Variants in LRPPRC observed in about 807,000 individuals in gnomAD.
LRPPRC encodes the protein leucine rich pentatricopeptide repeat containing, also known as leucine-rich PPR motif-containing protein, mitochondrial.
LRPPRC carries 120 observed loss-of-function variants against 180.3 expected under a neutral mutation model. The observed-to-expected ratio is 0.67, with a 90% confidence interval of 0.57 to 0.77. The LOEUF (loss-of-function observed/expected upper bound fraction) is 0.77, where lower values mean the gene tolerates loss of function less well. LRPPRC is among the 30% of genes least tolerant of loss of function. The pLI, the probability that LRPPRC is intolerant of heterozygous loss-of-function variation, is 0.00. For synonymous variants in LRPPRC, 723 were observed against 600.0 expected, an observed-to-expected ratio of 1.21 and a Z score of -3.00; for missense variants, 2,012 against 1,657.2, an observed-to-expected ratio of 1.21 and a Z score of -3.72.
intron 27 of LRPPRC, among the ~76,000 whole-genome samples, chr2:43,920,722 T>G (rs1053015204): frequency 6.6e-6 from 1 of 152,082 alleles, no homozygotes. Context: ...GAATCTTTAT[T>G]CTGCAGTGGA....
chr2:43,962,538 G>A (rs1285063807), intron 12 of LRPPRC, among the ~76,000 whole-genome samples: 4 of 152,142 alleles, frequency 2.6e-5, no homozygotes, highest in African/African-American at 9.7e-5. Context: ...AGCACTTTTT[G>A]TTTTGTTTTT....
At chr2:43,982,069 G>A (rs1674333346) in intron 2 of LRPPRC, among the ~76,000 whole-genome samples, 169 bp downstream of exon 2, 1 of 151,982 alleles carries the variant, frequency 6.6e-6, no homozygotes, top group South Asian at 2.1e-4. Flanking sequence ...CACCATGCCT[G>A]GCTAATTTTT....
At chr2:43,984,736 CAAG>C (rs1008636058) in intron 1 of LRPPRC, among the ~76,000 whole-genome samples, 8 of 152,222 alleles carry the variant, frequency 5.3e-5, no homozygotes, top group East Asian at 1.9e-4. Context: ...TGGGGCCCCA[CAAG>C]AAGATCACAC....
chr2:43,959,920 T>C (rs1007910832), intron 13 of LRPPRC, among the ~76,000 whole-genome samples: 3 of 152,120 alleles, frequency 2.0e-5, no homozygotes, highest in East Asian at 1.9e-4. Context: ...AAGTGCAGTA[T>C]GGTGAAAAGA....
At chr2:43,927,899 G>A (rs1671947637) in intron 25 of LRPPRC, among the ~76,000 whole-genome samples, 1 of 152,184 alleles carries the variant, frequency 6.6e-6, no homozygotes, top group Non-Finnish European at 1.5e-5. Context: ...GTAATGTCAA[G>A]ATTTCTGGCT....
rs202017188 is a variant in LRPPRC, at chr2:43,887,830, T to A, written c.*770A>T. On this transcript the variant is annotated 3_prime_UTR_variant, in exon 38 of 38. Transcript: ENST00000260665. ...TAGATGAAATCACATCTTTTCAGGA[T>A]ATGAGTATAAAGTAACAAGCCTAGG... 5 of 152,320 alleles carry A rather than the reference T, an allele frequency of 3.3e-5. No individual in the cohort carries two copies. The East Asian group carries it at 9.6e-4, about 29-fold the overall frequency. The allele number at this position is 152,320 out of a possible 1,614,324, so 9.4% of individuals were successfully genotyped here.
chr2:43,976,284 C>T, intron 5 of LRPPRC, 55 bp from the exon 6 acceptor site: 1 of 948,772 alleles, frequency 1.1e-6, no homozygotes. Flanking sequence ...ACACTCTTTA[C>T]AACATGTACA....
rs181712777 is a variant in LRPPRC at position 43,979,080 on chromosome 2, G to A, written c.469+746C>T. ...ATACTTTAAGATTTTTTTAAATCAGGAATGAACATTAAATTGTATTAAACC... is the reference window on the plus strand; with the variant it reads ...ATACTTTAAGATTTTTTTAAATCAGAAATGAACATTAAATTGTATTAAACC... On this transcript the variant is annotated intron_variant, in intron 3 of 37. Coordinates refer to ENST00000260665, the MANE Select transcript of LRPPRC (RefSeq NM_133259.4). Among the ~76,000 whole-genome samples the A allele has an allele frequency of 1.6e-3, 249 of 152,036 alleles. 2 individuals are homozygous for A. Among genetic ancestry groups the A allele is most frequent in the Non-Finnish European group, 2.5e-3 (170 of 67,930 alleles).
At chr2:43,981,811 C>T (rs1033293569) in intron 2 of LRPPRC, among the ~76,000 whole-genome samples, 1 of 152,024 alleles carries the variant, frequency 6.6e-6, no homozygotes, top group Non-Finnish European at 1.5e-5. Context: ...AATGAGCTTA[C>T]CCTCAAGTAT....
rs530710078 is a variant in LRPPRC, at chr2:43,929,189, T to A, written c.2737-3228A>T. ...AGTACATAACAAGCAATTCATCCTT[T>A]TCTTGAAATGTCACAACTTTACTTC... On this transcript the variant is annotated intron_variant, in intron 25 of 37. Transcript: ENST00000260665. Among the ~76,000 whole-genome samples, 77 of 152,314 alleles carry A rather than the reference T, an allele frequency of 5.1e-4. 1 individual carries two copies. The highest frequency in any genetic ancestry group is 1.0e-3 in the Non-Finnish European group (68 of 68,024).
chr2:43,963,766 C>G (rs908687555), intron 11 of LRPPRC, 60 bp from the exon 12 acceptor site: 2 of 918,056 alleles, frequency 2.2e-6, no homozygotes, highest in Non-Finnish European at 3.6e-6. Context: ...AAGAAAAGAT[C>G]GGTAAGTTCA....
chr2:43,909,183 T>G (rs1671167390), intron 30 of LRPPRC, among the ~76,000 whole-genome samples: 1 of 152,220 alleles, frequency 6.6e-6, no homozygotes, highest in African/African-American at 2.4e-5. Flanking sequence ...GCATTATTTT[T>G]AAAAGTACTC....
At chr2:43,901,578 A>C in intron 31 of LRPPRC, 54 bp from the exon 32 acceptor site, 5 of 1,161,344 alleles carry the variant, frequency 4.3e-6, no homozygotes, top group Non-Finnish European at 6.5e-6. Context: ...GCTGACTTTA[A>C]TGCATTTTGA....
At position 43,975,159 on chromosome 2, in the gene LRPPRC, C is replaced by T; in HGVS notation, c.796G>A (p.Gly266Ser). Reference protein sequence around the residue: ...TVMRDAGIEPGPDTYLALLNA... With the variant: ...TVMRDAGIEPSPDTYLALLNA... The stretch of plus-strand genomic sequence containing the variant: ...AATAATGCGAGGTATGTGTCTGGAC[C>T]AGGCTCAATTCCGGCATCTCTCATC... Residue 266 changes from glycine (G) to serine (S), a missense_variant, in exon 7 of 38, where the codon GGT becomes AGT. By Grantham distance (56) the Gly-to-Ser change is moderately conservative. Transcript: ENST00000260665. 1.2e-6 allele frequency: 2 copies of T among 1,613,420 alleles called. No individual in the cohort carries two copies. The highest frequency in any genetic ancestry group is 1.7e-6 in the Non-Finnish European group (2 of 1,179,630).
intron 18 of LRPPRC, 28 bp downstream of exon 18, chr2:43,948,094 A>G (rs373279210): frequency 5.5e-5 from 77 of 1,394,460 alleles, no homozygotes; most frequent in Non-Finnish European, 7.6e-5. Context: ...TAAGCATTTT[A>G]TCCAGTTGAT....
In LRPPRC at chr2:43,923,924, T is replaced by C. The variant is rs576481791; in HGVS notation, c.2896+1143A>G. 3.5e-3 allele frequency among the ~76,000 whole-genome samples: 539 copies of C among 152,278 alleles called. 3 individuals carry two copies. The highest frequency in any genetic ancestry group is 0.027 in the Middle Eastern group (8 of 294). ...CAATTTGAGGACCAACTGCCTAAAA[T>C]ACAGGTTTTTAATTCTATACATTCA... On this transcript the variant is annotated intron_variant, in intron 27 of 37. Coordinates refer to ENST00000260665, the MANE Select transcript of LRPPRC (RefSeq NM_133259.4).
chr2:43,917,971 T>C (rs1671535398), intron 29 of LRPPRC, 54 bp downstream of exon 29: 4 of 1,265,030 alleles, frequency 3.2e-6, no homozygotes, highest in African/African-American at 1.5e-5. Flanking sequence ...CCCACACTGC[T>C]ATTAGAAAGA....
intron 31 of LRPPRC, chr2:43,904,770 T>C (rs1671013848): frequency 1.4e-5 from 2 of 148,104 alleles, no homozygotes; most frequent in Non-Finnish European, 3.0e-5. Flanking sequence ...TGAGGAATAA[T>C]ACCATTATTA....
chr2:43,981,069 A>G (rs1260109894), intron 2 of LRPPRC, among the ~76,000 whole-genome samples: 1 of 152,164 alleles, frequency 6.6e-6, no homozygotes, highest in African/African-American at 2.4e-5. Context: ...AAGCTACAGA[A>G]TCCTCTTAAA....
Sources: allele counts gnomAD v4.1 joint callset (sites outside exome capture counted in the v4.1 genomes callset), GRCh38; gene constraint gnomAD v4.1.1; transcripts MANE v1.5; gene names NCBI Gene and HGNC (gene_info 2026-07-23, HGNC 2026-07-21).